Variants in CYB5RL observed in about 807,000 individuals in gnomAD.
CYB5RL encodes the protein NADH-cytochrome b5 reductase-like.
Under a neutral mutation model 37.5 loss-of-function variants are expected in CYB5RL, and 38 were observed. The observed-to-expected ratio is 1.01, with a 90% CI of 0.78 to 1.33. The LOEUF is 1.33. Among genes scored for constraint, CYB5RL ranks in the 40% most tolerant of loss-of-function variants. The pLI is 0.00. For synonymous variants in CYB5RL, 141 were observed against 151.9 expected (o/e 0.93, Z 0.53); for missense variants, 388 against 394.4 (o/e 0.98, Z 0.14).
At position 54,174,790 on chromosome 1, in the gene CYB5RL, G is replaced by T. The variant is rs1458395541; in HGVS notation, c.777C>A (p.Tyr259Ter). 6.2e-7 allele frequency: 1 copy of T among 1,613,686 alleles called. No homozygotes were observed. The highest frequency in any genetic ancestry group is 2.2e-5 in the East Asian group (1 of 44,890). ...GGTGGCCAAAGTGGGTTTTCTCTTGGTAACTCCAGGGAAGCTGCTCTGAGG... is the reference window on the plus strand; with the variant it reads ...GGTGGCCAAAGTGGGTTTTCTCTTGTTAACTCCAGGGAAGCTGCTCTGAGG... Reference protein sequence around the residue: ...ESSSEQLPWSYQEKTHFGHLG... With the variant: ...ESSSEQLPWS The change falls in exon 8 of 8, where the codon TAC (tyrosine) becomes TAA (stop). Residue 259 changes from tyrosine to a stop codon, truncating the protein, a stop_gained. Coordinates refer to ENST00000534324, the MANE Select transcript of CYB5RL (RefSeq NM_001031672.4). LOFTEE classifies it high-confidence loss of function.
intron 6 of CYB5RL, among the ~76,000 whole-genome samples, chr1:54,181,530 A>T (rs896610013): frequency 1.3e-5 from 2 of 152,258 alleles, no homozygotes; most frequent in African/African-American, 2.4e-5. Context: ...GGCCCGGAAG[A>T]GGGCAGGAGC....
At chr1:54,187,522 C>T (rs1643911611) in intron 5 of CYB5RL, 130 bp downstream of exon 5, 1 of 813,092 alleles carries the variant, frequency 1.2e-6, no homozygotes, top group Non-Finnish European at 2.0e-6. Flanking sequence ...AAAGGACTTA[C>T]TTCCCCAATT....
rs147163950 is a variant in CYB5RL at position 54,171,946 on chromosome 1, C to T, written c.*2673G>A. ...CACCAAGGGCACGGCTGGGTCCCCA[C>T]CAATGTCCCATGATAAGAGATGCCA... On this transcript the variant is annotated 3_prime_UTR_variant, in exon 8 of 8. Coordinates refer to ENST00000534324, the MANE Select transcript of CYB5RL (RefSeq NM_001031672.4). 1,076 of 167,570 alleles carry T rather than the reference C, an allele frequency of 6.4e-3. 17 individuals carry two copies. Among genetic ancestry groups the T allele is most frequent in the African/African-American group, 0.024 (1,031 of 42,148 alleles). 10.4% of individuals were successfully genotyped at this position (167,570 alleles called of 1,614,324 possible).
At chr1:54,180,120 C>T (rs576052250) in intron 6 of CYB5RL, 70 of 424,506 alleles carry the variant, frequency 1.6e-4, no homozygotes, top group African/African-American at 1.4e-3. Context: ...GCCTGTAGTC[C>T]CAGCTACTTG....
Position 54,192,834 on chromosome 1 carries a change from C to T in CYB5RL, c.199-1938G>A, listed in dbSNP as rs140694311. On this transcript the variant is annotated intron_variant, in intron 3 of 7. Coordinates refer to ENST00000534324, the MANE Select transcript of CYB5RL (RefSeq NM_001031672.4). ...GCAGTGGTACAATTTGGGCTCAATG[C>T]AACCTCCACCTCCTGGTTCAAACAA... Among the ~76,000 whole-genome samples, 46 of 152,012 alleles carry T rather than the reference C, an allele frequency of 3.0e-4. No homozygotes were observed. In the East Asian group the frequency reaches 6.8e-3, roughly 22 times the overall value.
intron 7 of CYB5RL, among the ~76,000 whole-genome samples, chr1:54,175,146 G>A (rs1439405894): frequency 2.0e-5 from 3 of 152,164 alleles, no homozygotes; most frequent in Middle Eastern, 3.2e-3. Flanking sequence ...ACTGTGGGAC[G>A]GATGTTTTCT....
intron 7 of CYB5RL, among the ~76,000 whole-genome samples, chr1:54,175,932 T>C (rs1052082082): frequency 6.6e-5 from 10 of 152,022 alleles, no homozygotes; most frequent in Admixed American, 6.6e-5. Flanking sequence ...GACAACTATA[T>C]ATAGTCTGAA....
At chr1:54,181,073 C>A (rs1223491467) in intron 6 of CYB5RL, among the ~76,000 whole-genome samples, 1 of 152,160 alleles carries the variant, frequency 6.6e-6, no homozygotes, top group Non-Finnish European at 1.5e-5. Flanking sequence ...CAATTAGATT[C>A]CTCCCCCTCC....
At position 54,190,858 on chromosome 1, in the gene CYB5RL, G is replaced by A; in HGVS notation, c.237C>T (p.Ala79=). 7.4e-6 allele frequency: 12 copies of A among 1,611,058 alleles called. No homozygotes were observed. The highest frequency in any genetic ancestry group is 1.3e-5 in the African/African-American group (1 of 75,028). ...GCCTGTCCATGGCAATGATGCAGAA[G>A]GCCACGAAGGTCTCTGGGTTCAGCT... ...PSKLNPETFV[A]FCIIAMDRLT... The change falls in exon 4 of 8, where the codon GCC becomes GCT. Residue 79 remains alanine, a synonymous_variant. Transcript: ENST00000534324.
intron 7 of CYB5RL, among the ~76,000 whole-genome samples, chr1:54,178,662 C>A (rs1451743732): frequency 2.0e-5 from 3 of 152,146 alleles, no homozygotes; most frequent in African/African-American, 7.2e-5. Context: ...TTTACTCCAG[C>A]AGTCACTAAT....
intron 4 of CYB5RL, 95 bp downstream of exon 4, chr1:54,190,653 G>A: frequency 6.8e-7 from 1 of 1,477,518 alleles, no homozygotes; most frequent in South Asian, 1.2e-5. Flanking sequence ...ACAAATGGAG[G>A]CTTAAGGGAG....
In CYB5RL at chr1:54,170,757, C is replaced by T. The variant is rs1385486300; in HGVS notation, c.*3862G>A. The T allele has an allele frequency of 7.7e-6, 2 of 259,846 alleles. No individual in the cohort carries two copies. Among genetic ancestry groups the T allele is most frequent in the East Asian group, 8.6e-5 (1 of 11,632 alleles). 16.1% of individuals were successfully genotyped at this position (259,846 alleles called of 1,614,324 possible). Reference sequence around the variant, plus strand: ...TCTCTGGTTGCACTCATGTGTCACACACAACCTTTACCACAATCACATGCT... The same window carrying T: ...TCTCTGGTTGCACTCATGTGTCACATACAACCTTTACCACAATCACATGCT... On this transcript the variant is annotated 3_prime_UTR_variant, in exon 8 of 8. Coordinates refer to ENST00000534324, the MANE Select transcript of CYB5RL (RefSeq NM_001031672.4).
intron 5 of CYB5RL, chr1:54,186,314 T>G (rs1223803777): frequency 6.6e-6 from 1 of 152,152 alleles, no homozygotes; most frequent in Non-Finnish European, 1.5e-5. Context: ...TATGACCTAC[T>G]CTATAGGTTG....
intron 5 of CYB5RL, 78 bp downstream of exon 5, chr1:54,187,574 C>T (rs1488192049): frequency 2.8e-6 from 4 of 1,420,942 alleles, no homozygotes; most frequent in Non-Finnish European, 9.9e-7. Flanking sequence ...TTCCTTCCCA[C>T]ATTTTCCCTT....
Position 54,171,788 on chromosome 1 carries a change from G to A in CYB5RL, c.*2831C>T, listed in dbSNP as rs1306985741. 6 of 299,736 alleles carry A rather than the reference G, an allele frequency of 2.0e-5. No homozygotes were observed. Among genetic ancestry groups the A allele is most frequent in the African/African-American group, 6.5e-5 (3 of 46,238 alleles). 18.6% of individuals were successfully genotyped at this position (299,736 alleles called of 1,614,324 possible). On this transcript the variant is annotated 3_prime_UTR_variant, in exon 8 of 8. Transcript: ENST00000534324. ...AGCTGATGGGAACCATGCCCCCACA[G>A]CTCCAAGAGGTCTGAACTCACACAC...
rs1659928767 is a variant in CYB5RL at position 54,172,949 on chromosome 1, G to C, written c.*1670C>G. 1 of 152,212 alleles carries C rather than the reference G, an allele frequency of 6.6e-6. No homozygotes were observed. Among genetic ancestry groups the C allele is most frequent in the Admixed American group, 6.5e-5 (1 of 15,282 alleles). The allele number at this position is 152,212 out of a possible 1,614,324, so 9.4% of individuals were successfully genotyped here. On this transcript the variant is annotated 3_prime_UTR_variant, in exon 8 of 8. Transcript: ENST00000534324. ...CTTTCCCACTCACTATACTGTGCTA[G>C]AAAGAGGCTACGAAACCCACAGAAA...
At position 54,195,620 on chromosome 1, in the gene CYB5RL, T is replaced by C. The variant is rs1470798064; in HGVS notation, c.-4A>G. The C allele has an allele frequency of 6.2e-7, 1 of 1,605,828 alleles. No individual in the cohort carries two copies. Among genetic ancestry groups the C allele is most frequent in the South Asian group, 1.1e-5 (1 of 89,758 alleles). On this transcript the variant is annotated 5_prime_UTR_variant, in exon 3 of 8. Transcript: ENST00000534324. The stretch of plus-strand genomic sequence containing the variant: ...CCTCTTCCCTCTCAGCCATCATCAG[T>C]GGGGCTTGGGCAGCCTAGAAGGAAC...
chr1:54,178,105 G>A (rs1287563749), intron 7 of CYB5RL, among the ~76,000 whole-genome samples: 1 of 152,136 alleles, frequency 6.6e-6, no homozygotes, highest in Non-Finnish European at 1.5e-5. Context: ...TGTTCACCAC[G>A]CTCTCATGTC....
chr1:54,191,001 G>A, intron 3 of CYB5RL, 105 bp from the exon 4 acceptor site: 1 of 1,448,504 alleles, frequency 6.9e-7, no homozygotes, highest in Non-Finnish European at 9.2e-7. Flanking sequence ...TCTTGGCTCG[G>A]GAAGTTTCCT....
Sources: allele counts gnomAD v4.1 joint callset (sites outside exome capture counted in the v4.1 genomes callset), GRCh38; gene constraint gnomAD v4.1.1; transcripts MANE v1.5; gene names NCBI Gene and HGNC (gene_info 2026-07-23, HGNC 2026-07-21).